The following SHOX variants were observed in gnomAD, a reference collection of about 807,000 sequenced individuals.
SHOX encodes short stature homeobox protein.
Under a neutral mutation model 29.6 loss-of-function variants are expected in SHOX, and 12 were observed. The ratio of observed to expected loss-of-function variants is 0.41; its 90% CI spans 0.26 to 0.66. The LOEUF (loss-of-function observed/expected upper bound fraction) is 0.66. Among genes scored for constraint, SHOX ranks in the 30% least tolerant of loss-of-function variants. The pLI, the probability that SHOX is intolerant of heterozygous loss-of-function variation, is 0.35. For synonymous variants in SHOX, 214 were observed against 200.6 expected (o/e 1.07, Z -0.57); for missense variants, 499 against 437.7 (o/e 1.14, Z -1.25).
rs748785733 is a variant in SHOX, at chrX:634,838, G to T, written c.486+12G>T. On this transcript the variant is annotated intron_variant, in intron 2 of 4. Transcript: ENST00000686671. ...AGGCGCGCGTGCAGGTAGGAACCCG[G>T]GGGCGGGGGCGGGGGGCCCGGAGCC... is the stretch of plus-strand genomic sequence containing the variant. The T allele has an allele frequency of 4.5e-6, 7 of 1,549,828 alleles. No homozygotes were observed. Among genetic ancestry groups the T allele is most frequent in the Non-Finnish European group, 6.1e-6 (7 of 1,147,360 alleles).
At chrX:634,556 G>A (rs2052707060) in intron 1 of SHOX, 62 bp from the exon 2 acceptor site, 2 of 1,571,480 alleles carry the variant, frequency 1.3e-6, no homozygotes, top group African/African-American at 1.3e-5. Flanking sequence ...TGCACGAAGG[G>A]GTTCGCCACG....
At chrX:627,308 T>A (rs2052555650), upstream of SHOX, among the ~76,000 whole-genome samples, 1 of 152,134 alleles carries the variant, frequency 6.6e-6, no homozygotes, top group South Asian at 2.1e-4. Flanking sequence ...AAAGCTCTCG[T>A]CTGGATTTCT....
intron 2 of SHOX, among the ~76,000 whole-genome samples, chrX:637,475 G>A (rs2052778085): frequency 6.6e-6 from 1 of 151,814 alleles, no homozygotes; most frequent in African/African-American, 2.4e-5. Context: ...GGGTGTGTGC[G>A]GACCCCGAGA....
rs1190158649 is a variant in SHOX, at chrX:644,421, G to A, written c.664G>A (p.Ala222Thr). ...VQAQLQLEGV[A>T]HAHPHLHPHL... ...GGCTCAGCTGCAGCTGGAAGGCGTG[G>A]CCCACGCGCACCCGCACCTGCACCC... Residue 222 changes from alanine to threonine, a missense_variant, in exon 5 of 5, where the codon GCC becomes ACC. Coordinates refer to ENST00000686671, the MANE Select transcript of SHOX (RefSeq NM_000451.4). 6.6e-7 allele frequency: 1 copy of A among 1,521,536 alleles called. No homozygotes were observed. The highest frequency in any genetic ancestry group is 8.8e-7 in the Non-Finnish European group (1 of 1,142,148). The allele number at this position is 1,521,536 out of a possible 1,614,324, so 94.3% of individuals were successfully genotyped here. A position where few individuals can be genotyped will look rare whatever the true frequency, so the allele number is the denominator to read the frequency against.
intron 4 of SHOX, among the ~76,000 whole-genome samples, chrX:641,354 G>A (rs771083140): frequency 6.6e-6 from 1 of 152,096 alleles, no homozygotes; most frequent in South Asian, 2.1e-4. Context: ...CTGAGATCAG[G>A]AGTTCAAGAC....
rs2052973009 is a variant in SHOX, at chrX:646,800, A to T, written c.*2164A>T. ...TTTTCTTAAAAGCTGGAAATTAAAA[A>T]AAAAAAAGAGAGAGAGAGGCTTTAA... On this transcript the variant is annotated 3_prime_UTR_variant, in exon 5 of 5. Coordinates refer to ENST00000686671, the MANE Select transcript of SHOX (RefSeq NM_000451.4). The T allele has an allele frequency of 1.3e-5, 2 of 151,912 alleles. No individual in the cohort carries two copies. The highest frequency in any genetic ancestry group is 1.3e-4 in the Admixed American group (2 of 15,268). 9.4% of individuals were successfully genotyped at this position (151,912 alleles called of 1,614,324 possible). A position where few individuals can be genotyped will look rare whatever the true frequency, so the allele number is the denominator to read the frequency against.
At chrX:628,975 A>C (rs1263999115), upstream of SHOX, among the ~76,000 whole-genome samples, 21 of 80,390 alleles carry the variant, frequency 2.6e-4, no homozygotes, top group Non-Finnish European at 3.1e-4. Context: ...CTCTCTCTCC[A>C]TCTCTCTCTG....
At position 650,694 on chromosome X, in the gene SHOX, G is replaced by A. The variant is rs1460889256; in HGVS notation, c.*6058G>A. ...GATGGCACACGGCAGCCACTCCCAC[G>A]ACACACATTTCGGAGGCACTTTGCT... On this transcript the variant is annotated 3_prime_UTR_variant, in exon 5 of 5. Transcript: ENST00000686671. Among the ~76,000 whole-genome samples, 1 of 147,192 alleles carries A rather than the reference G, an allele frequency of 6.8e-6. No homozygotes were observed. The highest frequency in any genetic ancestry group is 1.5e-5 in the Non-Finnish European group (1 of 67,330).
At chrX:644,360 C>A (rs1165773939) in intron 4 of SHOX, 31 bp from the exon 5 acceptor site, 3 of 1,512,352 alleles carry the variant, frequency 2.0e-6, no homozygotes, top group South Asian at 1.2e-5. Flanking sequence ...CCCCATCCTG[C>A]GCCCTCACCC....
intron 5 of SHOX, among the ~76,000 whole-genome samples, chrX:657,688 G>A (rs1385222437): frequency 1.3e-5 from 2 of 152,144 alleles, no homozygotes; most frequent in Non-Finnish European, 2.9e-5. Flanking sequence ...CCAGGGAACC[G>A]TAACCCGTCT....
Position 646,970 on chromosome X carries a change from G to T in SHOX, c.*2334G>T, listed in dbSNP as rs1487665991. On this transcript the variant is annotated 3_prime_UTR_variant, in exon 5 of 5. Transcript: ENST00000686671. Reference sequence around the variant, plus strand: ...AGATTTTTTTTTTTTAACCAAAAAGGCTGAGTAATTTTGAAAAATCGAAAC... The same window carrying T: ...AGATTTTTTTTTTTTAACCAAAAAGTCTGAGTAATTTTGAAAAATCGAAAC... 1.3e-5 allele frequency: 2 copies of T among 151,432 alleles called. No homozygotes were observed. Among genetic ancestry groups the T allele is most frequent in the South Asian group, 4.1e-4 (2 of 4,824 alleles). The allele number at this position is 151,432 out of a possible 1,614,324, so 9.4% of individuals were successfully genotyped here.
At chrX:626,994 C>G (rs1442014111), upstream of SHOX, among the ~76,000 whole-genome samples, 1 of 151,252 alleles carries the variant, frequency 6.6e-6, no homozygotes, top group Non-Finnish European at 1.5e-5. Context: ...CTCTCTCTCT[C>G]CTCTCTCTCT....
chrX:646,518 C>T lies in SHOX; in HGVS notation c.*1882C>T, dbSNP rs2052966325. The T allele has an allele frequency of 6.6e-6, 1 of 150,720 alleles. No homozygotes were observed. The highest frequency in any genetic ancestry group is 1.5e-5 in the Non-Finnish European group (1 of 67,950). The allele number at this position is 150,720 out of a possible 1,614,324, so 9.3% of individuals were successfully genotyped here. The stretch of plus-strand genomic sequence containing the variant: ...CCTAACTTCTGATTTAGATACTTCT[C>T]CCTGAGGTGGGGATAAAAGAAAAAA... On this transcript the variant is annotated 3_prime_UTR_variant, in exon 5 of 5. Coordinates refer to ENST00000686671, the MANE Select transcript of SHOX (RefSeq NM_000451.4).
intron 5 of SHOX, among the ~76,000 whole-genome samples, chrX:657,448 T>A (rs1379408050): frequency 6.6e-6 from 1 of 152,078 alleles, no homozygotes; most frequent in Non-Finnish European, 1.5e-5. Context: ...GTGGATGTTA[T>A]GGTGAGAAAA....
chrX:625,657 CTG>C (rs2052514335), intron 1 of SHOX, among the ~76,000 whole-genome samples: 2 of 140,010 alleles, frequency 1.4e-5, no homozygotes, highest in African/African-American at 2.6e-5. Flanking sequence ...CTCTTTCTCT[CTG>C]TCTTCGTTCC....
At position 650,809 on chromosome X, in the gene SHOX, A is replaced by AAAAAAAAC. The variant is rs2053047834; in HGVS notation, c.*6180_*6181insCAAAAAAA. Reference sequence around the variant, plus strand: ...TTTGACATTAAAAAAAAAAAAAAAAAAAAAAAAAAACTGGTGCCTAATTTA... The same window carrying AAAAAAAAC: ...TTTGACATTAAAAAAAAAAAAAAAAAAAAAAAACAAAAAAAAAACTGGTGCCTAATTTA... On this transcript the variant is annotated 3_prime_UTR_variant, in exon 5 of 5. Coordinates refer to ENST00000686671, the MANE Select transcript of SHOX (RefSeq NM_000451.4). Among the ~76,000 whole-genome samples, 1 of 148,426 alleles carries AAAAAAAAC rather than the reference A, an allele frequency of 6.7e-6. No individual in the cohort carries two copies. The highest frequency in any genetic ancestry group is 6.7e-5 in the Admixed American group (1 of 14,946).
At position 649,145 on chromosome X, in the gene SHOX, C is replaced by A. The variant is rs1168413692; in HGVS notation, c.*4509C>A. ...CTCTACCTCCTGGCTTCAAGAAATT[C>A]TCCTGCCTCAGCCTCCCAAGTAGCT... On this transcript the variant is annotated 3_prime_UTR_variant, in exon 5 of 5. Transcript: ENST00000686671. Among the ~76,000 whole-genome samples, 1 of 151,934 alleles carries A rather than the reference C, an allele frequency of 6.6e-6. No individual in the cohort carries two copies. Among genetic ancestry groups the A allele is most frequent in the Non-Finnish European group, 1.5e-5 (1 of 67,974 alleles).
At chrX:655,606 CTCTCTCTCTA>C (rs1296921166), downstream of SHOX, among the ~76,000 whole-genome samples, 9 of 35,878 alleles carry the variant, frequency 2.5e-4, no homozygotes, top group African/African-American at 7.0e-4. Context: ...CTCTCTCTCT[CTCTCTCTCTA>C]TATATATATA....
At chrX:644,136 A>AC (rs1432331815) in intron 4 of SHOX, among the ~76,000 whole-genome samples, 1 of 151,308 alleles carries the variant, frequency 6.6e-6, no homozygotes, top group African/African-American at 2.4e-5. Flanking sequence ...CCATTTGTGG[A>AC]CCCCCCTCCC....
Sources: allele counts gnomAD v4.1 joint callset (sites outside exome capture counted in the v4.1 genomes callset), GRCh38; gene constraint gnomAD v4.1.1; transcripts MANE v1.5; gene names NCBI Gene and HGNC (gene_info 2026-07-23, HGNC 2026-07-21).